The following RUNX3 variants were observed in gnomAD, a reference collection of about 807,000 sequenced individuals.
RUNX3 encodes runt-related transcription factor 3.
Under a neutral mutation model 27.7 loss-of-function variants are expected in RUNX3, and 10 were observed. The ratio of observed to expected loss-of-function variants is 0.36; its 90% CI spans 0.22 to 0.61. The LOEUF (loss-of-function observed/expected upper bound fraction) is 0.61, where lower values mean the gene tolerates loss of function less well. Among genes scored for constraint, RUNX3 ranks in the 20% least tolerant of loss-of-function variants. The pLI is 0.72. For missense variants in RUNX3, 469 were observed against 629.5 expected (o/e 0.75, Z 2.73); for synonymous variants, 270 against 269.2 (o/e 1.00, Z -0.03).
At chr1:24,957,336 TCATCCATCCATCCATCCATCCATCCATC>T (rs72443915) in intron 2 of RUNX3, among the ~76,000 whole-genome samples, 5 of 149,786 alleles carry the variant, frequency 3.3e-5, no homozygotes, top group African/African-American at 7.4e-5. Flanking sequence ...ATTCATTCGT[TCATCCATCCATCCATCCATCCATCCATC>T]CATCCATCCA....
At position 24,902,202 on chromosome 1, in the gene RUNX3, C is replaced by T; in HGVS notation, c.1168G>A (p.Ala390Thr). 1 of 1,569,986 alleles carries T rather than the reference C, an allele frequency of 6.4e-7. No individual in the cohort carries two copies. Among genetic ancestry groups the T allele is most frequent in the Non-Finnish European group, 8.6e-7 (1 of 1,159,606 alleles). Residue 390 changes from alanine (A) to threonine (T), a missense_variant, in exon 5 of 5, where the codon GCC becomes ACC. Transcript: ENST00000308873. The surrounding 1 kb of genome is among the most constrained non-coding windows in gnomAD (Gnocchi z 9.2). The stretch of plus-strand genomic sequence containing the variant: ...GGTGAGTTGCTGTGGCTGCCGTCGG[C>T]CTCCACGCCATCACTCTGGCCGCCC... ...SLGGQSDGVE[A>T]DGSHSNSPTA...
chr1:24,914,081 C>T (rs1009082303), intron 3 of RUNX3, among the ~76,000 whole-genome samples: 2 of 152,248 alleles, frequency 1.3e-5, no homozygotes, highest in Non-Finnish European at 2.9e-5. Flanking sequence ...CTGGAAAGGT[C>T]ACACATGGAG....
intron 2 of RUNX3, among the ~76,000 whole-genome samples, chr1:24,941,500 C>T (rs1361652770): frequency 1.3e-5 from 2 of 152,188 alleles, no homozygotes; most frequent in South Asian, 2.1e-4. Flanking sequence ...AGTAGGACAA[C>T]GGAGGCATAG....
At chr1:24,948,269 G>A (rs1466899808) in intron 2 of RUNX3, among the ~76,000 whole-genome samples, 1 of 152,214 alleles carries the variant, frequency 6.6e-6, no homozygotes, top group African/African-American at 2.4e-5. Flanking sequence ...GGTGGCCCTT[G>A]GTCCCCCCAA....
In RUNX3 at chr1:24,902,811, T is replaced by C; in HGVS notation, c.704-145A>G. The C allele has an allele frequency of 3.2e-6, 2 of 617,330 alleles. No individual in the cohort carries two copies. The allele number at this position is 617,330 out of a possible 1,614,324, so 38.2% of individuals were successfully genotyped here. ...TGGCTCTCCTCTTCCTGCCCTAGGC[T>C]GCCCGGGGCCTCCCCCGCCAGGACT... is the stretch of plus-strand genomic sequence containing the variant. On this transcript the variant is annotated intron_variant, in intron 4 of 4. Coordinates refer to ENST00000308873, the MANE Select transcript of RUNX3 (RefSeq NM_004350.3). This position sits in a 1 kb window ranked among gnomAD's most constrained non-coding sequence, Gnocchi z 9.2.
chr1:24,923,999 TG>T lies in RUNX3; in HGVS notation c.439+3574del, dbSNP rs530011438. Among the ~76,000 whole-genome samples the T allele has an allele frequency of 7.6e-4, 116 of 152,014 alleles. No homozygotes were observed. The highest frequency in any genetic ancestry group is 2.7e-3 in the African/African-American group (111 of 41,442). ...TTAGGGGTGGGGTGCGTGTATGTGG[TG>T]GGGGATGCCAGCACCCAACGCTGCC... On this transcript the variant is annotated intron_variant, in intron 2 of 4. Transcript: ENST00000308873. The surrounding 1 kb of genome is among the most constrained non-coding windows in gnomAD (Gnocchi z 5.9).
At chr1:24,907,537 C>T (rs1173740603) in intron 3 of RUNX3, 120 bp from the exon 4 acceptor site, 1 of 1,014,398 alleles carries the variant, frequency 9.9e-7, no homozygotes, top group Non-Finnish European at 1.4e-6. Flanking sequence ...GCTGGGAGAA[C>T]CCTGAGGTCA....
rs765113258 is a variant in RUNX3, at chr1:24,964,611, G to C, written c.-40C>G. The C allele has an allele frequency of 5.7e-6, 9 of 1,591,564 alleles. No individual in the cohort carries two copies. The East Asian group carries it at 6.9e-5, about 12-fold the overall frequency. ...AAGGCGAGAATTTTCAGCCCTTCAG[G>C]GGGTTGGGTTGGGATTCACTTGGTT... On this transcript the variant is annotated 5_prime_UTR_variant, in exon 2 of 7. Transcript: ENST00000338888.
At position 24,927,932 on chromosome 1, in the gene RUNX3, G is replaced by A. The variant is rs1001970180; in HGVS notation, c.283-202C>T. Among the ~76,000 whole-genome samples the A allele has an allele frequency of 9.2e-5, 14 of 152,158 alleles. No individual in the cohort carries two copies. The highest frequency in any genetic ancestry group is 3.1e-4 in the African/African-American group (13 of 41,424). On this transcript the variant is annotated intron_variant, in intron 1 of 4. Coordinates refer to ENST00000308873, the MANE Select transcript of RUNX3 (RefSeq NM_004350.3). The surrounding 1 kb of genome is among the most constrained non-coding windows in gnomAD (Gnocchi z 5.0). ...CACGAAAACAAGAAGATGGAATCTC[G>A]AGCTTCCACACCAAAATCCTAGATC...
chr1:24,955,792 C>G (rs1358155584), intron 2 of RUNX3, among the ~76,000 whole-genome samples: 3 of 152,346 alleles, frequency 2.0e-5, no homozygotes, highest in Non-Finnish European at 4.4e-5. Context: ...GGCAGTCTCT[C>G]TCCACACATC....
rs1257542497 is a variant in RUNX3, at chr1:24,963,535, A to C, written c.58+979T>G. Among the ~76,000 whole-genome samples, 3 of 152,140 alleles carry C rather than the reference A, an allele frequency of 2.0e-5. No homozygotes were observed. In the East Asian group the frequency reaches 5.8e-4, roughly 29 times the overall value. On this transcript the variant is annotated intron_variant, in intron 2 of 6. Transcript: ENST00000338888. ...CAGGCTCAGACAATGAGAATTCCAC[A>C]AGCAGAGGGGACTCTATTTGGGGCA... is the stretch of plus-strand genomic sequence containing the variant.
intron 4 of RUNX3, among the ~76,000 whole-genome samples, chr1:24,903,050 T>G (rs1236529127): frequency 3.9e-5 from 6 of 152,172 alleles, no homozygotes; most frequent in Non-Finnish European, 8.8e-5. Context: ...CCAGGCAGGT[T>G]CCTCTCCCCA....
In RUNX3 at chr1:24,901,015, T is replaced by C. The variant is rs990056537; in HGVS notation, c.*1107A>G. The C allele has an allele frequency of 2.7e-5, 4 of 150,212 alleles. No individual in the cohort carries two copies. The highest frequency in any genetic ancestry group is 1.3e-4 in the Admixed American group (2 of 15,190). The allele number at this position is 150,212 out of a possible 1,614,324, so 9.3% of individuals were successfully genotyped here. A position where few individuals can be genotyped will look rare whatever the true frequency, so the allele number is the denominator to read the frequency against. ...TCTAAAATCAGTTTTAAAAACTGTTTTGTTTTTTTTTTGTTTTTTTGTTTT... is the reference window on the plus strand; with the variant it reads ...TCTAAAATCAGTTTTAAAAACTGTTCTGTTTTTTTTTTGTTTTTTTGTTTT... On this transcript the variant is annotated 3_prime_UTR_variant, in exon 5 of 5. Transcript: ENST00000308873.
chr1:24,907,483 C>T (rs1016365997), intron 3 of RUNX3, 66 bp from the exon 4 acceptor site: 1 of 1,501,592 alleles, frequency 6.7e-7, no homozygotes, highest in Non-Finnish European at 9.0e-7. Flanking sequence ...AGAAATGCCT[C>T]ACTCTGCTGG....
At chr1:24,918,918 G>A (rs1027949111) in intron 3 of RUNX3, among the ~76,000 whole-genome samples, 1 of 152,152 alleles carries the variant, frequency 6.6e-6, no homozygotes, top group African/African-American at 2.4e-5. Context: ...AGCAAGCCTG[G>A]CTCAACCTCC....
upstream of RUNX3, among the ~76,000 whole-genome samples, chr1:24,934,264 G>A (rs1159890295): frequency 6.6e-6 from 1 of 152,202 alleles, no homozygotes; most frequent in African/African-American, 2.4e-5. Flanking sequence ...GTAGGCCGGG[G>A]GTCCAGCTCC....
chr1:24,906,156 C>A (rs988094849), intron 4 of RUNX3, among the ~76,000 whole-genome samples: 2 of 152,228 alleles, frequency 1.3e-5, no homozygotes, highest in African/African-American at 4.8e-5. Flanking sequence ...CAGCGTGGCA[C>A]CGGAAAAGGG....
upstream of RUNX3, among the ~76,000 whole-genome samples, chr1:24,933,325 T>C (rs1424441878): frequency 6.6e-6 from 1 of 152,240 alleles, no homozygotes; most frequent in Non-Finnish European, 1.5e-5. Flanking sequence ...GCACTCATAG[T>C]GGCCCTTCAT....
intron 2 of RUNX3, among the ~76,000 whole-genome samples, chr1:24,958,576 C>T (rs1179647931): frequency 6.6e-6 from 1 of 152,204 alleles, no homozygotes; most frequent in African/African-American, 2.4e-5. Flanking sequence ...ATTCCCATCC[C>T]CACTGTGTCC....
Sources: gnomAD v4.1 joint callset for allele counts (sites outside exome capture counted in the v4.1 genomes callset) on GRCh38, gnomAD v4.1.1 for gene constraint, Gnocchi (gnomAD v3.1) non-coding constraint, MANE v1.5 for transcripts, NCBI Gene and HGNC (gene_info 2026-07-23, HGNC 2026-07-21) for gene names.